MRPS28: variants seen among roughly 807,000 people sequenced by gnomAD.
MRPS28 encodes mitochondrial ribosomal protein S28.
MRPS28 carries 7 observed loss-of-function variants against 10.8 expected under a neutral mutation model. The ratio of observed to expected loss-of-function variants is 0.65; its 90% CI spans 0.37 to 1.22. The LOEUF (loss-of-function observed/expected upper bound fraction) is 1.22, where lower values mean the gene tolerates loss of function less well. MRPS28 is among the 50% of genes most tolerant of loss of function. The probability of loss-of-function intolerance (pLI) is 0.02; values close to 1 mark genes in which losing one functional copy is unlikely to be tolerated. For synonymous variants in MRPS28, 121 were observed against 93.3 expected, an observed-to-expected ratio of 1.30 and a Z score of -1.71; for missense variants, 265 against 232.9, an observed-to-expected ratio of 1.14 and a Z score of -0.90.
In MRPS28 at chr8:79,950,322, C is replaced by T. The variant is rs183472337; in HGVS notation, c.396-31174G>A. On this transcript the variant is annotated intron_variant, in intron 2 of 2. Coordinates refer to ENST00000276585, the MANE Select transcript of MRPS28 (RefSeq NM_014018.3). ...CATTCTCTAGCAGCCTTTCTCAACT[C>T]GGGTTCAGCCAAAGAATTTAACCCC... Among the ~76,000 whole-genome samples, 11 of 152,254 alleles carry T rather than the reference C, an allele frequency of 7.2e-5. No homozygotes were observed. In the East Asian group the frequency reaches 1.3e-3, roughly 19 times the overall value.
chr8:80,017,885 A>C (rs1454523017), intron 1 of MRPS28, among the ~76,000 whole-genome samples: 1 of 152,208 alleles, frequency 6.6e-6, no homozygotes, highest in Non-Finnish European at 1.5e-5. Flanking sequence ...ATTATATACC[A>C]CAACTGAGAC....
intron 2 of MRPS28, among the ~76,000 whole-genome samples, chr8:79,979,081 A>G (rs753661885): frequency 6.6e-6 from 1 of 152,240 alleles, no homozygotes; most frequent in Admixed American, 6.5e-5. Context: ...AAGGTAAATA[A>G]AATTTTTTAT....
At chr8:80,025,427 A>G (rs977391586) in intron 1 of MRPS28, among the ~76,000 whole-genome samples, 1 of 152,226 alleles carries the variant, frequency 6.6e-6, no homozygotes, top group African/African-American at 2.4e-5. Flanking sequence ...TTTACCCAAC[A>G]TATAACCTAC....
At chr8:79,941,098 C>T (rs117731285) in intron 2 of MRPS28, among the ~76,000 whole-genome samples, 1,555 of 151,970 alleles carry the variant, frequency 0.01, 13 homozygotes, top group African/African-American at 0.015. Flanking sequence ...CCAGCCTGGG[C>T]AACACAGCAA....
chr8:79,989,122 C>T (rs1235052257), intron 2 of MRPS28, among the ~76,000 whole-genome samples: 2 of 152,012 alleles, frequency 1.3e-5, no homozygotes, highest in Non-Finnish European at 2.9e-5. Context: ...GAGGGCAGAG[C>T]CTGGTGGGCT....
chr8:79,924,584 T>C (rs781094326), intron 2 of MRPS28, among the ~76,000 whole-genome samples: 10 of 152,218 alleles, frequency 6.6e-5, no homozygotes, highest in Non-Finnish European at 1.3e-4. Flanking sequence ...TTTTAAACAA[T>C]TGTATCAATT....
At position 79,931,659 on chromosome 8, in the gene MRPS28, T is replaced by C. The variant is rs370075911; in HGVS notation, c.396-12511A>G. Reference sequence around the variant, plus strand: ...AGACTTAGTAAATCCTCAATGAAAGTCCAGTCAGGATAGGCCTTGATTTAA... The same window carrying C: ...AGACTTAGTAAATCCTCAATGAAAGCCCAGTCAGGATAGGCCTTGATTTAA... On this transcript the variant is annotated intron_variant, in intron 2 of 2. Transcript: ENST00000276585. 1.2e-4 allele frequency among the ~76,000 whole-genome samples: 18 copies of C among 152,272 alleles called. No individual in the cohort carries two copies. The East Asian group carries it at 3.5e-3, about 29-fold the overall frequency.
intron 1 of MRPS28, among the ~76,000 whole-genome samples, chr8:80,019,191 A>G (rs1229841468): frequency 6.6e-6 from 1 of 151,500 alleles, no homozygotes; most frequent in Non-Finnish European, 1.5e-5. Context: ...AAATAACTAA[A>G]AGAGTTTAAT....
At chr8:80,013,930 G>C (rs942263694) in intron 1 of MRPS28, among the ~76,000 whole-genome samples, 9 of 152,060 alleles carry the variant, frequency 5.9e-5, no homozygotes, top group African/African-American at 2.2e-4. Context: ...CCCATTAAAT[G>C]ATGGTAAAAT....
intron 2 of MRPS28, among the ~76,000 whole-genome samples, chr8:79,927,842 G>A (rs1387358447): frequency 6.6e-6 from 1 of 152,176 alleles, no homozygotes; most frequent in East Asian, 1.9e-4. Flanking sequence ...GGTTGGCAAT[G>A]GTCAGAGAGA....
chr8:79,996,869 C>A (rs996084831), intron 2 of MRPS28, among the ~76,000 whole-genome samples: 1 of 152,146 alleles, frequency 6.6e-6, no homozygotes, highest in Non-Finnish European at 1.5e-5. Context: ...TGAAGCACAG[C>A]GGGGTGAAAA....
At chr8:79,966,936 T>C (rs943575084) in intron 2 of MRPS28, among the ~76,000 whole-genome samples, 1 of 152,170 alleles carries the variant, frequency 6.6e-6, no homozygotes, top group African/African-American at 2.4e-5. Flanking sequence ...AAATTTTCCA[T>C]CCTAAAAGTA....
At chr8:80,028,066 G>A (rs1309356376) in intron 1 of MRPS28, among the ~76,000 whole-genome samples, 1 of 152,116 alleles carries the variant, frequency 6.6e-6, no homozygotes, top group African/African-American at 2.4e-5. Context: ...GGGAATTCTG[G>A]GGACTCTAAA....
chr8:79,988,223 G>C (rs1351032697), intron 2 of MRPS28, among the ~76,000 whole-genome samples: 1 of 138,354 alleles, frequency 7.2e-6, no homozygotes, highest in Non-Finnish European at 1.5e-5. Flanking sequence ...ATTGAACAAT[G>C]AGAACACATG....
intron 2 of MRPS28, among the ~76,000 whole-genome samples, chr8:79,952,953 C>A (rs1203319562): frequency 6.6e-6 from 1 of 152,136 alleles, no homozygotes; most frequent in African/African-American, 2.4e-5. Flanking sequence ...AAGATTATAA[C>A]ATTTTTAGAG....
In MRPS28 at chr8:79,933,575, AT is replaced by A. The variant is rs1267374662; in HGVS notation, c.396-14428del. On this transcript the variant is annotated intron_variant, in intron 2 of 2. Transcript: ENST00000276585. ...TATTTGAAATATGTATTAGTCACAC[AT>A]TATGTGCCAAGGAGATGCTCAGGAG... 3.3e-5 allele frequency among the ~76,000 whole-genome samples: 5 copies of A among 152,338 alleles called. No homozygotes were observed. The East Asian group carries it at 5.8e-4, about 18-fold the overall frequency.
chr8:79,970,400 C>T (rs1037897474), intron 2 of MRPS28, among the ~76,000 whole-genome samples: 1 of 152,320 alleles, frequency 6.6e-6, no homozygotes, highest in Admixed American at 6.5e-5. Flanking sequence ...TTCTGTCCTA[C>T]TGAAAGGGCT....
intron 2 of MRPS28, among the ~76,000 whole-genome samples, chr8:79,922,362 C>A (rs1810117057): frequency 6.6e-6 from 1 of 152,048 alleles, no homozygotes; most frequent in Non-Finnish European, 1.5e-5. Context: ...TCAAAGGATA[C>A]AAAATTTCAG....
At chr8:79,940,232 C>A (rs1806731226) in intron 2 of MRPS28, among the ~76,000 whole-genome samples, 1 of 152,126 alleles carries the variant, frequency 6.6e-6, no homozygotes. Flanking sequence ...TTTCAGAACT[C>A]CATATTATTT....
Sources: allele counts gnomAD v4.1 joint callset (sites outside exome capture counted in the v4.1 genomes callset), GRCh38; gene constraint gnomAD v4.1.1; transcripts MANE v1.5; gene names NCBI Gene and HGNC (gene_info 2026-07-23, HGNC 2026-07-21).